MARK2: variants seen among roughly 807,000 people sequenced by gnomAD.
MARK2 encodes microtubule affinity regulating kinase 2.
Under a neutral mutation model 89.8 loss-of-function variants are expected in MARK2, and 16 were observed. The ratio of observed to expected loss-of-function variants is 0.18; its 90% CI spans 0.12 to 0.27. The LOEUF (loss-of-function observed/expected upper bound fraction) is 0.27, where lower values mean the gene tolerates loss of function less well. Ranked by LOEUF, MARK2 falls within the 10% of genes least tolerant of loss-of-function variation. The pLI is 1.00. For synonymous variants in MARK2, 382 were observed against 399.5 expected, an observed-to-expected ratio of 0.96 and a Z score of 0.52; for missense variants, 621 against 1,049.9, an observed-to-expected ratio of 0.59 and a Z score of 5.65.
Position 63,909,952 on chromosome 11 carries a change from C to T in MARK2, c.*715C>T, listed in dbSNP as rs1165343715. The T allele has an allele frequency of 6.6e-6, 1 of 152,656 alleles. No individual in the cohort carries two copies. Among genetic ancestry groups the T allele is most frequent in the Non-Finnish European group, 1.5e-5 (1 of 68,384 alleles). The allele number at this position is 152,656 out of a possible 1,614,324, so 9.5% of individuals were successfully genotyped here. ...TCCGCCTCCCTCCACACTGTACCCTCTGCCCCTCCTCCCCAGAGCTGGGCA... is the reference window on the plus strand; with the variant it reads ...TCCGCCTCCCTCCACACTGTACCCTTTGCCCCTCCTCCCCAGAGCTGGGCA... On this transcript the variant is annotated 3_prime_UTR_variant, in exon 19 of 19. Transcript: ENST00000402010.
chr11:63,855,227 T>G (rs779723215), intron 1 of MARK2, among the ~76,000 whole-genome samples: 3 of 152,126 alleles, frequency 2.0e-5, no homozygotes, highest in African/African-American at 7.2e-5. Flanking sequence ...CCATTCAAAG[T>G]GCAGGACGAG....
chr11:63,892,303 T>G (rs1368973308), intron 1 of MARK2, among the ~76,000 whole-genome samples: 3 of 152,196 alleles, frequency 2.0e-5, no homozygotes, highest in African/African-American at 7.2e-5. Flanking sequence ...AGCCTGCAGC[T>G]ACCATGCAAA....
chr11:63,899,024 TG>T, intron 6 of MARK2, 27 bp from the exon 7 acceptor site: 1 of 1,575,608 alleles, frequency 6.3e-7, no homozygotes, highest in Non-Finnish European at 8.7e-7. Flanking sequence ...CAGGCACCCC[TG>T]GGTTAACCCT....
In MARK2 at chr11:63,904,648, C is replaced by A; in HGVS notation, c.1677-138C>A. 1 of 728,794 alleles carries A rather than the reference C, an allele frequency of 1.4e-6. No individual in the cohort carries two copies. Among genetic ancestry groups the A allele is most frequent in the Non-Finnish European group, 2.4e-6 (1 of 409,812 alleles). The allele number at this position is 728,794 out of a possible 1,614,324, so 45.1% of individuals were successfully genotyped here. On this transcript the variant is annotated intron_variant, in intron 15 of 18. Coordinates refer to ENST00000402010, the MANE Select transcript of MARK2 (RefSeq NM_001039469.3). The surrounding 1 kb of genome is among the most constrained non-coding windows in gnomAD (Gnocchi z 6.3). ...CACCACTGTCCTCAGTAGTCACACC[C>A]TTCCTTCTGTGTCCTCGTGATGGCT... is the stretch of plus-strand genomic sequence containing the variant.
At chr11:63,890,113 A>G in intron 1 of MARK2, 1 of 502,440 alleles carries the variant, frequency 2.0e-6, no homozygotes, top group South Asian at 1.6e-5. Context: ...TCCTTCAGGG[A>G]AGAAGCTAGG....
intron 1 of MARK2, among the ~76,000 whole-genome samples, chr11:63,891,560 T>A (rs1056917879): frequency 3.3e-5 from 5 of 152,220 alleles, no homozygotes; most frequent in Non-Finnish European, 7.3e-5. Flanking sequence ...AAGGCCCAAG[T>A]CTGCAGGTAG....
chr11:63,898,198 G>A, intron 3 of MARK2, 34 bp from the exon 4 acceptor site: 1 of 1,600,032 alleles, frequency 6.2e-7, no homozygotes, highest in Non-Finnish European at 8.6e-7. Context: ...GGAGCAAGTT[G>A]GGCAGGCATG....
intron 1 of MARK2, among the ~76,000 whole-genome samples, chr11:63,862,779 G>A (rs1937879820): frequency 6.6e-6 from 1 of 152,028 alleles, no homozygotes; most frequent in Non-Finnish European, 1.5e-5. Flanking sequence ...GGGCATGATG[G>A]ATTTCTAGGT....
chr11:63,884,410 G>T (rs891144323), intron 1 of MARK2, among the ~76,000 whole-genome samples: 2 of 152,202 alleles, frequency 1.3e-5, no homozygotes, highest in Admixed American at 1.3e-4. Flanking sequence ...TTTTTCCCAG[G>T]CAGGCTTGAG....
intron 1 of MARK2, among the ~76,000 whole-genome samples, chr11:63,842,342 G>C (rs1264641031): frequency 1.3e-5 from 2 of 151,478 alleles, no homozygotes; most frequent in African/African-American, 4.9e-5. Flanking sequence ...TCAGCCTCCT[G>C]AGTAGCTGGG....
chr11:63,879,352 T>C (rs1565117943), intron 1 of MARK2, among the ~76,000 whole-genome samples: 2 of 152,038 alleles, frequency 1.3e-5, no homozygotes, highest in Admixed American at 6.5e-5. Flanking sequence ...CATGGCACTA[T>C]CTATCACACA....
At chr11:63,849,564 C>T (rs2135206117) in intron 1 of MARK2, among the ~76,000 whole-genome samples, 1 of 152,242 alleles carries the variant, frequency 6.6e-6, no homozygotes, top group Middle Eastern at 3.4e-3. Context: ...ACCAGCCTGA[C>T]CAACATGGTA....
intron 1 of MARK2, among the ~76,000 whole-genome samples, chr11:63,894,513 A>G (rs996254620): frequency 3.9e-5 from 6 of 152,180 alleles, no homozygotes; most frequent in Admixed American, 1.3e-4. Flanking sequence ...CCTGACCAAC[A>G]TGGAGAAACC....
At chr11:63,881,164 G>T (rs925579056) in intron 1 of MARK2, among the ~76,000 whole-genome samples, 4 of 151,988 alleles carry the variant, frequency 2.6e-5, no homozygotes, top group African/African-American at 9.7e-5. Context: ...AATTAGCCAG[G>T]CATGGTGGTG....
chr11:63,904,882 G>A lies in MARK2; in HGVS notation c.1773G>A (p.Val591=). The change falls in exon 16 of 19, where the codon GTG becomes GTA. Residue 591 remains valine, a synonymous_variant. Transcript: ENST00000402010. The surrounding 1 kb of genome is among the most constrained non-coding windows in gnomAD (Gnocchi z 6.3). The part of the protein sequence containing the change: ...APDRTNFPRG[V]SSRSTFHAGQ... ...ACCGAACTAACTTCCCCCGGGGTGTGTCCAGCCGAAGCACCTTCCATGCTG... is the reference window on the plus strand; with the variant it reads ...ACCGAACTAACTTCCCCCGGGGTGTATCCAGCCGAAGCACCTTCCATGCTG... 1.2e-6 allele frequency: 2 copies of A among 1,614,208 alleles called. No individual in the cohort carries two copies. Among genetic ancestry groups the A allele is most frequent in the Non-Finnish European group, 1.7e-6 (2 of 1,180,046 alleles).
rs112450902 is a variant in MARK2 at position 63,901,083 on chromosome 11, G to A, written c.1101+14G>A. 1,025 of 1,574,212 alleles carry A rather than the reference G, an allele frequency of 6.5e-4. 10 individuals carry two copies. In the African/African-American group the frequency reaches 0.012, roughly 18 times the overall value. Reference sequence around the variant, plus strand: ...AAGAGCTCCGAGGTGTGTGCTCCCCGCCCCATTCTCTGACCTGGCCAGCCT... The same window carrying A: ...AAGAGCTCCGAGGTGTGTGCTCCCCACCCCATTCTCTGACCTGGCCAGCCT... On this transcript the variant is annotated intron_variant, in intron 11 of 18. Transcript: ENST00000402010.
intron 1 of MARK2, among the ~76,000 whole-genome samples, chr11:63,852,940 CTCTA>C (rs961917030): frequency 3.9e-5 from 6 of 152,118 alleles, no homozygotes; most frequent in Admixed American, 2.0e-4. Context: ...TCACTGAAGC[CTCTA>C]TCTAACAGGA....
At chr11:63,873,794 C>T (rs899174408) in intron 1 of MARK2, among the ~76,000 whole-genome samples, 3 of 152,150 alleles carry the variant, frequency 2.0e-5, no homozygotes, top group Non-Finnish European at 2.9e-5. Context: ...TGCAGGCATG[C>T]GCCACCACGC....
Position 63,888,483 on chromosome 11 carries a change from C to T in MARK2, c.55-6676C>T, listed in dbSNP as rs747079229. 8 of 921,810 alleles carry T rather than the reference C, an allele frequency of 8.7e-6. No homozygotes were observed. In the South Asian group the frequency reaches 2.0e-4, roughly 23 times the overall value. The allele number at this position is 921,810 out of a possible 1,614,324, so 57.1% of individuals were successfully genotyped here. Reference sequence around the variant, plus strand: ...TGGGGAGGGTGGGGCTGCCCACTTCCGGGGAGGGGGGGAGGGGGAGGGGAG... The same window carrying T: ...TGGGGAGGGTGGGGCTGCCCACTTCTGGGGAGGGGGGGAGGGGGAGGGGAG... On this transcript the variant is annotated intron_variant, in intron 1 of 18. Transcript: ENST00000402010.
Sources: gnomAD v4.1 joint callset for allele counts (sites outside exome capture counted in the v4.1 genomes callset) on GRCh38, gnomAD v4.1.1 for gene constraint, Gnocchi (gnomAD v3.1) non-coding constraint, MANE v1.5 for transcripts, NCBI Gene and HGNC (gene_info 2026-07-23, HGNC 2026-07-21) for gene names.